DENND5A: variants seen among roughly 807,000 people sequenced by gnomAD.
The protein encoded by DENND5A is DENN domain containing 5A.
Under a neutral mutation model 140.3 loss-of-function variants are expected in DENND5A, and 64 were observed. The observed-to-expected ratio is 0.46, with a 90% CI of 0.37 to 0.56. The LOEUF (loss-of-function observed/expected upper bound fraction) is 0.56, where lower values mean the gene tolerates loss of function less well. Among genes scored for constraint, DENND5A ranks in the 20% least tolerant of loss-of-function variants. DENND5A has a pLI of 0.00. For synonymous variants in DENND5A, 605 were observed against 607.7 expected (o/e 1.00, Z 0.07); for missense variants, 1,292 against 1,593.8 (o/e 0.81, Z 3.22).
chr11:9,226,954 A>G (rs1004718520), intron 1 of DENND5A, among the ~76,000 whole-genome samples: 1 of 152,126 alleles, frequency 6.6e-6, no homozygotes, highest in Non-Finnish European at 1.5e-5. Flanking sequence ...AGATCACCTG[A>G]GGTCAGGAGT....
chr11:9,178,646 C>T (rs1324596495), intron 7 of DENND5A, among the ~76,000 whole-genome samples: 1 of 152,086 alleles, frequency 6.6e-6, no homozygotes, highest in Non-Finnish European at 1.5e-5. Flanking sequence ...TTAAGAGATC[C>T]CTTTGGCTGA....
At chr11:9,184,278 C>T (rs1179098039) in intron 5 of DENND5A, among the ~76,000 whole-genome samples, 2 of 151,538 alleles carry the variant, frequency 1.3e-5, no homozygotes, top group Non-Finnish European at 2.9e-5. Context: ...TCATGAACCT[C>T]GGAGGCGGAG....
intron 1 of DENND5A, among the ~76,000 whole-genome samples, chr11:9,222,773 A>T (rs1850363212): frequency 6.6e-6 from 1 of 152,208 alleles, no homozygotes; most frequent in Non-Finnish European, 1.5e-5. Flanking sequence ...TCAACCCTGG[A>T]TACAGCCTTG....
intron 1 of DENND5A, among the ~76,000 whole-genome samples, chr11:9,213,865 C>T (rs1022119825): frequency 6.7e-6 from 1 of 150,372 alleles, no homozygotes; most frequent in African/African-American, 2.4e-5. Context: ...GGAACCTCTC[C>T]TGTTTCAGTA....
intron 22 of DENND5A, among the ~76,000 whole-genome samples, chr11:9,140,629 C>T (rs527642608): frequency 1.8e-4 from 27 of 152,300 alleles, no homozygotes; most frequent in African/African-American, 4.8e-4. Context: ...GGGCCCTACC[C>T]TCCTTTCAAC....
At chr11:9,246,956 C>G (rs986411976) in intron 1 of DENND5A, among the ~76,000 whole-genome samples, 3 of 152,050 alleles carry the variant, frequency 2.0e-5, no homozygotes, top group African/African-American at 7.2e-5. Flanking sequence ...CTTGGCCGGG[C>G]GCGGTGGCTC....
At chr11:9,139,889 G>C in intron 22 of DENND5A, 35 bp from the exon 23 acceptor site, 1 of 1,600,946 alleles carries the variant, frequency 6.2e-7, no homozygotes, top group Non-Finnish European at 8.5e-7. Context: ...CAGGTCAGAG[G>C]GGCAAAGGAA....
chr11:9,201,240 T>A (rs949092298), intron 4 of DENND5A, among the ~76,000 whole-genome samples: 6 of 151,186 alleles, frequency 4.0e-5, no homozygotes, highest in Non-Finnish European at 7.4e-5. Flanking sequence ...CCAGGCATGG[T>A]GGTGGGCACC....
intron 8 of DENND5A, among the ~76,000 whole-genome samples, chr11:9,173,024 C>T (rs1171368675): frequency 1.3e-5 from 2 of 151,544 alleles, no homozygotes; most frequent in Non-Finnish European, 2.9e-5. Flanking sequence ...CGGGGTTTCA[C>T]CATGTTGGCC....
intron 8 of DENND5A, among the ~76,000 whole-genome samples, chr11:9,174,639 AC>A (rs1380515658): frequency 6.6e-6 from 1 of 151,832 alleles, no homozygotes; most frequent in East Asian, 1.9e-4. Flanking sequence ...GTTCAAAGTT[AC>A]AGAAAACCAC....
At chr11:9,181,275 TTGTGTG>T (rs1220637149) in intron 5 of DENND5A, among the ~76,000 whole-genome samples, 191 bp from the exon 6 acceptor site, 1 of 152,164 alleles carries the variant, frequency 6.6e-6, no homozygotes, top group Non-Finnish European at 1.5e-5. Context: ...CACATTCTCG[TTGTGTG>T]ACCTTAGGAA....
intron 1 of DENND5A, among the ~76,000 whole-genome samples, chr11:9,242,202 T>G (rs748015040): frequency 1.3e-5 from 2 of 152,104 alleles, no homozygotes; most frequent in Admixed American, 6.6e-5. Flanking sequence ...CAAAGGCAGT[T>G]TCACTCATTG....
At chr11:9,160,894 T>C (rs1847960619) in intron 11 of DENND5A, 29 bp from the exon 12 acceptor site, 1 of 1,610,266 alleles carries the variant, frequency 6.2e-7, no homozygotes, top group Non-Finnish European at 8.5e-7. Flanking sequence ...CAGGATTAAA[T>C]AACCACAGTG....
intron 8 of DENND5A, chr11:9,171,914 A>G (rs1245571972): frequency 6.6e-6 from 1 of 152,214 alleles, no homozygotes; most frequent in Non-Finnish European, 1.5e-5. Flanking sequence ...ATGGAACTCA[A>G]ACTTCTGAAG....
At position 9,221,949 on chromosome 11, in the gene DENND5A, A is replaced by G. The variant is rs181053965; in HGVS notation, c.110-14317T>C. Among the ~76,000 whole-genome samples, 333 of 150,838 alleles carry G rather than the reference A, an allele frequency of 2.2e-3. 2 individuals carry two copies. The highest frequency in any genetic ancestry group is 8.8e-3 in the East Asian group (44 of 5,006). On this transcript the variant is annotated intron_variant, in intron 1 of 22. Transcript: ENST00000328194. ...ATTTTTTATATTTTTAGTAGAGATG[A>G]GGTTTCACAGTGTTGGCCAGGATGG...
intron 1 of DENND5A, among the ~76,000 whole-genome samples, chr11:9,255,392 C>A (rs1851902785): frequency 6.6e-6 from 1 of 151,880 alleles, no homozygotes; most frequent in South Asian, 2.1e-4. Flanking sequence ...TGTTTAAGAC[C>A]TGCCTGGGCA....
chr11:9,231,209 G>T (rs939267531), intron 1 of DENND5A, among the ~76,000 whole-genome samples: 1 of 152,156 alleles, frequency 6.6e-6, no homozygotes, highest in Non-Finnish European at 1.5e-5. Context: ...TGTGCTAGAA[G>T]TTACCAAATG....
intron 12 of DENND5A, among the ~76,000 whole-genome samples, chr11:9,158,878 A>T (rs886399481): frequency 5.9e-5 from 9 of 152,228 alleles, no homozygotes; most frequent in African/African-American, 2.2e-4. Flanking sequence ...CACACTTTTA[A>T]AGTATGCAAT....
chr11:9,184,149 G>C (rs1848825701), intron 5 of DENND5A, among the ~76,000 whole-genome samples: 1 of 152,014 alleles, frequency 6.6e-6, no homozygotes, highest in African/African-American at 2.4e-5. Context: ...TCAGGAGATA[G>C]AGACCATCCT....
Sources: allele counts gnomAD v4.1 joint callset (sites outside exome capture counted in the v4.1 genomes callset), GRCh38; gene constraint gnomAD v4.1.1; transcripts MANE v1.5; gene names NCBI Gene and HGNC (gene_info 2026-07-23, HGNC 2026-07-21).